Variants in LRFN5 observed in about 807,000 individuals in gnomAD.
LRFN5 encodes the protein leucine-rich repeat and fibronectin type-III domain-containing protein 5.
A neutral mutation model predicts 45.6 loss-of-function variants in LRFN5; 24 were observed. That is an observed-to-expected ratio of 0.53 (90% CI 0.38 to 0.74). LRFN5 has a LOEUF of 0.74. LRFN5 is among the 30% of genes least tolerant of loss of function. The pLI is 0.00. For missense variants in LRFN5, 776 were observed against 861.5 expected, an observed-to-expected ratio of 0.90 and a Z score of 1.24; for synonymous variants, 340 against 313.8, an observed-to-expected ratio of 1.08 and a Z score of -0.88.
Position 41,607,098 on chromosome 14 carries a change from C to T in LRFN5, c.-1661C>T, listed in dbSNP as rs1019414491. ...CTGTGTTCCGCGGCGCGCAGGGAGG[C>T]GGTGAGCGTGTGCAGAGCTGCCCGA... On this transcript the variant is annotated 5_prime_UTR_variant, in exon 1 of 6. Transcript: ENST00000298119. 1.3e-5 allele frequency among the ~76,000 whole-genome samples: 2 copies of T among 152,128 alleles called. No homozygotes were observed. The highest frequency in any genetic ancestry group is 2.9e-5 in the Non-Finnish European group (2 of 68,006).
chr14:41,902,288 T>A (rs1284798433), intron 5 of LRFN5, among the ~76,000 whole-genome samples: 1 of 151,922 alleles, frequency 6.6e-6, no homozygotes, highest in Admixed American at 6.6e-5. Context: ...AACTTGATTA[T>A]TTTTAGTTTT....
chr14:41,681,796 T>TTTTA lies in LRFN5; in HGVS notation c.-197+73262_-197+73265dup, dbSNP rs34192648. ...TAAACTACTCTTTTATTTTATTTTA[T>TTTTA]TTTATTTATTTATTTATTTATTTAT... On this transcript the variant is annotated intron_variant, in intron 1 of 5. Transcript: ENST00000298119. 5.7e-3 allele frequency among the ~76,000 whole-genome samples: 568 copies of TTTTA among 98,936 alleles called. 2 individuals are homozygous for TTTTA. The highest frequency in any genetic ancestry group is 0.011 in the African/African-American group (252 of 22,024). 64.9% of individuals were successfully genotyped at this position (98,936 alleles called of 152,430 possible). A position where few individuals can be genotyped will look rare whatever the true frequency, so the allele number is the denominator to read the frequency against.
chr14:41,714,598 T>G (rs1440419711), intron 1 of LRFN5, among the ~76,000 whole-genome samples: 2 of 152,136 alleles, frequency 1.3e-5, no homozygotes, highest in African/African-American at 4.8e-5. Context: ...TATTTTAGAT[T>G]TTTTTAGTCA....
intron 2 of LRFN5, among the ~76,000 whole-genome samples, chr14:41,882,559 G>A (rs1890417720): frequency 6.6e-6 from 1 of 152,136 alleles, no homozygotes; most frequent in South Asian, 2.1e-4. Flanking sequence ...AAAATAAGGT[G>A]TATCTGAGAG....
chr14:41,634,027 A>G (rs565523390), intron 1 of LRFN5, among the ~76,000 whole-genome samples: 2 of 152,254 alleles, frequency 1.3e-5, no homozygotes, highest in South Asian at 4.1e-4. Flanking sequence ...TCGCCATATA[A>G]TTATATTATT....
chr14:41,818,551 G>A (rs1888000078), intron 2 of LRFN5, among the ~76,000 whole-genome samples: 1 of 151,646 alleles, frequency 6.6e-6, no homozygotes. Context: ...TTCCCTTCAA[G>A]TGATATATGC....
intron 1 of LRFN5, among the ~76,000 whole-genome samples, chr14:41,740,324 A>G (rs1457648419): frequency 6.6e-6 from 1 of 152,078 alleles, no homozygotes; most frequent in Non-Finnish European, 1.5e-5. Flanking sequence ...TCAGAAGCAC[A>G]TAAAATATTT....
At chr14:41,692,386 C>A (rs1277857106) in intron 1 of LRFN5, among the ~76,000 whole-genome samples, 5 of 151,810 alleles carry the variant, frequency 3.3e-5, no homozygotes, top group Non-Finnish European at 7.4e-5. Context: ...TAGATATTTT[C>A]TTCTAAATGG....
rs1884920823 is a variant in LRFN5 at position 41,746,386 on chromosome 14, TATC to T, written c.-196-20465_-196-20463del. On this transcript the variant is annotated intron_variant, in intron 1 of 5. Coordinates refer to ENST00000298119, the MANE Select transcript of LRFN5 (RefSeq NM_152447.5). ...TCATGTATGACAAAAAATACAGAAA[TATC>T]ATACTCAGTGGGGCAAGACTAAAAT... Among the ~76,000 whole-genome samples, 4 of 151,970 alleles carry T rather than the reference TATC, an allele frequency of 2.6e-5. No homozygotes were observed. The South Asian group carries it at 8.3e-4, about 32-fold the overall frequency.
intron 1 of LRFN5, among the ~76,000 whole-genome samples, chr14:41,705,791 A>G (rs998913522): frequency 3.9e-5 from 6 of 152,170 alleles, no homozygotes; most frequent in African/African-American, 1.4e-4. Flanking sequence ...AGTTTATACA[A>G]TATCTGTTTT....
rs1171394280 is a variant in LRFN5 at position 41,871,388 on chromosome 14, G to A, written c.-20-15218G>A. ...AGATTACCTGAGGTCAGGAGTTCAA[G>A]ACCAGACTGGTCAACATGGCGAAAC... On this transcript the variant is annotated intron_variant, in intron 2 of 5. Coordinates refer to ENST00000298119, the MANE Select transcript of LRFN5 (RefSeq NM_152447.5). Among the ~76,000 whole-genome samples the A allele has an allele frequency of 2.0e-5, 3 of 152,068 alleles. No individual in the cohort carries two copies. In the East Asian group the frequency reaches 5.8e-4, roughly 29 times the overall value.
chr14:41,740,186 T>A (rs1397704543), intron 1 of LRFN5, among the ~76,000 whole-genome samples: 1 of 151,986 alleles, frequency 6.6e-6, no homozygotes, highest in Non-Finnish European at 1.5e-5. Flanking sequence ...ACTTCAAAAT[T>A]TATTTTACAA....
At chr14:41,639,246 C>T (rs556341875) in intron 1 of LRFN5, among the ~76,000 whole-genome samples, 11 of 152,142 alleles carry the variant, frequency 7.2e-5, no homozygotes, top group African/African-American at 2.4e-4. Flanking sequence ...GGGAACACAA[C>T]GTTAACGAGT....
At chr14:41,803,448 C>T (rs963074095) in intron 2 of LRFN5, among the ~76,000 whole-genome samples, 4 of 151,876 alleles carry the variant, frequency 2.6e-5, no homozygotes, top group Non-Finnish European at 5.9e-5. Context: ...AACTCCTGGG[C>T]TCAAACAATC....
At chr14:41,711,766 C>T (rs1380722122) in intron 1 of LRFN5, among the ~76,000 whole-genome samples, 2 of 152,068 alleles carry the variant, frequency 1.3e-5, no homozygotes, top group Non-Finnish European at 2.9e-5. Context: ...TAAAAAAACG[C>T]ATTATGAATA....
intron 1 of LRFN5, among the ~76,000 whole-genome samples, chr14:41,718,076 G>A (rs1883563501): frequency 1.3e-5 from 2 of 152,230 alleles, no homozygotes; most frequent in East Asian, 1.9e-4. Context: ...TAGATAAAAT[G>A]TAGCTACATT....
chr14:41,883,992 G>GCATGGTT (rs1425034787), intron 2 of LRFN5, among the ~76,000 whole-genome samples: 1 of 151,950 alleles, frequency 6.6e-6, no homozygotes, highest in Non-Finnish European at 1.5e-5. Context: ...CAGTATTACA[G>GCATGGTT]CATGGTTTGT....
chr14:41,611,210 C>A (rs1450639158), intron 1 of LRFN5, among the ~76,000 whole-genome samples: 3 of 152,172 alleles, frequency 2.0e-5, no homozygotes, highest in Admixed American at 2.0e-4. Flanking sequence ...TTGAAAATGT[C>A]ACTCATTGGT....
At chr14:41,629,558 C>T (rs1289330044) in intron 1 of LRFN5, among the ~76,000 whole-genome samples, 1 of 152,148 alleles carries the variant, frequency 6.6e-6, no homozygotes, top group Non-Finnish European at 1.5e-5. Flanking sequence ...AAATATTGTT[C>T]AAGGATAACT....
Sources: allele counts gnomAD v4.1 joint callset (sites outside exome capture counted in the v4.1 genomes callset), GRCh38; gene constraint gnomAD v4.1.1; transcripts MANE v1.5; gene names NCBI Gene and HGNC (gene_info 2026-07-23, HGNC 2026-07-21).